NPAS4: variants seen among roughly 807,000 people sequenced by gnomAD.
The protein encoded by NPAS4 is neuronal PAS domain protein 4, also known as neuronal PAS domain-containing protein 4.
A neutral mutation model predicts 64.0 loss-of-function variants in NPAS4; 10 were observed. That is an observed-to-expected ratio of 0.16 (90% CI 0.10 to 0.26). The LOEUF (loss-of-function observed/expected upper bound fraction) is 0.26, where lower values mean the gene tolerates loss of function less well. Ranked by LOEUF, NPAS4 falls within the 10% of genes least tolerant of loss-of-function variation. The probability of loss-of-function intolerance (pLI) is 1.00; values close to 1 mark genes in which losing one functional copy is unlikely to be tolerated. For synonymous variants in NPAS4, 441 were observed against 411.7 expected, an observed-to-expected ratio of 1.07 and a Z score of -0.86; for missense variants, 886 against 992.6, an observed-to-expected ratio of 0.89 and a Z score of 1.44.
chr11:66,425,769 C>T (rs1856830968), intron 7 of NPAS4, among the ~76,000 whole-genome samples, 192 bp from the exon 8 acceptor site: 2 of 152,178 alleles, frequency 1.3e-5, no homozygotes, highest in South Asian at 4.1e-4. Context: ...CAGCCCCATC[C>T]TTCCTAAACT....
chr11:66,413,193 G>A, the NPAS4 span, among the ~76,000 whole-genome samples: 1 of 152,248 alleles, frequency 6.6e-6, no homozygotes, highest in Non-Finnish European at 1.5e-5. Context: ...CAGCGGTAAT[G>A]TCAGGGAAGG....
In NPAS4 at chr11:66,424,435, C is replaced by A. The variant is rs2134646623; in HGVS notation, c.1545C>A (p.Ser515Arg). 6.2e-7 allele frequency: 1 copy of A among 1,614,146 alleles called. No individual in the cohort carries two copies. Among genetic ancestry groups the A allele is most frequent in the South Asian group, 1.1e-5 (1 of 91,088 alleles). ...TSTFPDQLLP[S>R]TATFPEPLGS... ...CCTTCCCAGACCAGCTGCTTCCCAG[C>A]ACAGCCACCTTCCCAGAGCCTCTGG... The change falls in exon 7 of 8, where the codon AGC (serine) becomes AGA (arginine). Residue 515 changes from serine (S) to arginine (R), a missense_variant. Physicochemically the swap from Ser to Arg is moderately radical, Grantham distance 110. Coordinates refer to ENST00000311034, the MANE Select transcript of NPAS4 (RefSeq NM_178864.4).
chr11:66,413,117 C>T, the NPAS4 span, among the ~76,000 whole-genome samples: 2 of 152,214 alleles, frequency 1.3e-5, no homozygotes, highest in African/African-American at 2.4e-5. Flanking sequence ...AGGATTAAAT[C>T]GCTATTTCAC....
chr11:66,422,310 G>C, intron 2 of NPAS4, 39 bp downstream of exon 2: 1 of 1,608,558 alleles, frequency 6.2e-7, no homozygotes, highest in Non-Finnish European at 8.5e-7. Flanking sequence ...GCTGGGCATG[G>C]AGTGGGTGCC....
At chr11:66,419,130 T>C (rs987422717), upstream of NPAS4, among the ~76,000 whole-genome samples, 17 of 152,016 alleles carry the variant, frequency 1.1e-4, no homozygotes, top group Admixed American at 2.0e-4. Flanking sequence ...AGAGGTCAGA[T>C]TGAGAAGAAA....
In NPAS4 at chr11:66,422,853, G is replaced by T. The variant is rs774697951; in HGVS notation, c.610G>T (p.Gly204Cys). 6.8e-6 allele frequency: 11 copies of T among 1,612,702 alleles called. No homozygotes were observed. The highest frequency in any genetic ancestry group is 9.3e-6 in the Non-Finnish European group (11 of 1,179,998). ...GGAGCCGAGACCCCGCCCAGGTCCT[G>T]GCCCTGGCCCTGGCCCTGCCTCGCT... ...PLEPRPRPGPGPGPGPASLFL... is the reference protein window; with the variant it reads ...PLEPRPRPGPCPGPGPASLFL... The change falls in exon 4 of 8, where the codon GGC becomes TGC. Residue 204 changes from glycine (G) to cysteine (C), a missense_variant. By Grantham distance (159) the Gly-to-Cys change is radical. Around this residue, in one of 3 missense-constraint regions of NPAS4, gnomAD observed 820 missense variants for 855.5 expected, o/e 0.96. Coordinates refer to ENST00000311034, the MANE Select transcript of NPAS4 (RefSeq NM_178864.4).
Position 66,426,118 on chromosome 11 carries a change from C to A in NPAS4, c.*129C>A. The A allele has an allele frequency of 2.1e-6, 1 of 470,808 alleles. No homozygotes were observed. The highest frequency in any genetic ancestry group is 4.1e-6 in the Non-Finnish European group (1 of 244,796). The allele number at this position is 470,808 out of a possible 1,614,324, so 29.2% of individuals were successfully genotyped here. A position where few individuals can be genotyped will look rare whatever the true frequency, so the allele number is the denominator to read the frequency against. ...GGGGATATATATGATTCCCCAGGCC[C>A]TGCAGGATTTTGGGGGGGGGGAGGT... On this transcript the variant is annotated 3_prime_UTR_variant, in exon 8 of 8. Coordinates refer to ENST00000311034, the MANE Select transcript of NPAS4 (RefSeq NM_178864.4).
rs753300173 is a variant in NPAS4, at chr11:66,424,929, C to T, written c.2039C>T (p.Pro680Leu). ...CTGTCCCTGTCAGGGGCAGGCCCCC[C>T]TGTGCTCAGCCTGGACCTGAAACCC... ...SNLSLSGAGP[P>L]VLSLDLKPWK... Residue 680 changes from proline to leucine, a missense_variant, in exon 7 of 8, where the codon CCT (proline) becomes CTT (leucine). Transcript: ENST00000311034. 12 of 1,613,978 alleles carry T rather than the reference C, an allele frequency of 7.4e-6. No homozygotes were observed. In the East Asian group the frequency reaches 8.9e-5, roughly 12 times the overall value.
Position 66,424,416 on chromosome 11 carries a change from C to T in NPAS4, c.1526C>T (p.Pro509Leu). The T allele has an allele frequency of 6.2e-7, 1 of 1,614,152 alleles. No individual in the cohort carries two copies. ...TTGACTCCCTGCACCTCCACCTTCCCAGACCAGCTGCTTCCCAGCACAGCC... is the reference window on the plus strand; with the variant it reads ...TTGACTCCCTGCACCTCCACCTTCCTAGACCAGCTGCTTCCCAGCACAGCC... The part of the protein sequence containing the change: ...DQLTPCTSTF[P>L]DQLLPSTATF... Residue 509 changes from proline (P) to leucine (L), a missense_variant, in exon 7 of 8, where the codon CCA becomes CTA. Physicochemically the swap from Pro to Leu is moderately conservative, Grantham distance 98 (BLOSUM62 -3). Coordinates refer to ENST00000311034, the MANE Select transcript of NPAS4 (RefSeq NM_178864.4).
rs1590692707 is a variant in NPAS4 at position 66,421,141 on chromosome 11, T to A, written c.-39T>A. Reference sequence around the variant, plus strand: ...CGGTGCGTCGGGACGGGAGCGCAGGTGCTCGGGCACCCGAGCTGGAGCTCC... The same window carrying A: ...CGGTGCGTCGGGACGGGAGCGCAGGAGCTCGGGCACCCGAGCTGGAGCTCC... On this transcript the variant is annotated 5_prime_UTR_variant, in exon 1 of 8. Coordinates refer to ENST00000311034, the MANE Select transcript of NPAS4 (RefSeq NM_178864.4). The A allele has an allele frequency of 1.3e-6, 2 of 1,550,458 alleles. No individual in the cohort carries two copies. Among genetic ancestry groups the A allele is most frequent in the Non-Finnish European group, 1.7e-6 (2 of 1,144,356 alleles).
chr11:66,417,183 T>C (rs903999373), upstream of NPAS4: 1 of 152,172 alleles, frequency 6.6e-6, no homozygotes, highest in Non-Finnish European at 1.5e-5. Context: ...GGTGGGTTGC[T>C]ATGGCAACAG....
At position 66,422,232 on chromosome 11, in the gene NPAS4, C is replaced by T; in HGVS notation, c.288C>T (p.Tyr96=). The T allele has an allele frequency of 6.2e-7, 1 of 1,614,056 alleles. No homozygotes were observed. The highest frequency in any genetic ancestry group is 8.5e-7 in the Non-Finnish European group (1 of 1,179,998). The part of the protein sequence containing the change: ...LVFTAEGKLL[Y]LSESVSEHLG... Reference sequence around the variant, plus strand: ...TCACAGCCGAGGGGAAATTGCTCTACCTGTCTGAGAGTGTGAGCGAGCATC... The same window carrying T: ...TCACAGCCGAGGGGAAATTGCTCTATCTGTCTGAGAGTGTGAGCGAGCATC... Residue 96 remains tyrosine, a synonymous_variant, in exon 2 of 8, where the codon TAC becomes TAT. Coordinates refer to ENST00000311034, the MANE Select transcript of NPAS4 (RefSeq NM_178864.4).
upstream of NPAS4, among the ~76,000 whole-genome samples, chr11:66,418,667 G>T (rs932379942): frequency 6.6e-6 from 1 of 152,044 alleles, no homozygotes; most frequent in African/African-American, 2.4e-5. Flanking sequence ...AAAGCCAGGG[G>T]CTCTTCCCCT....
rs773159818 is a variant in NPAS4, at chr11:66,423,913, C to G, written c.1023C>G (p.Thr341=). 1 of 1,614,102 alleles carries G rather than the reference C, an allele frequency of 6.2e-7. No homozygotes were observed. The highest frequency in any genetic ancestry group is 1.1e-5 in the South Asian group (1 of 91,072). ...CAGCTTATGTCCTGGGCACTCCGAC[C>G]ATGCTGCCCTCATTCCCTGAAAACA... The part of the protein sequence containing the change: ...TQAAYVLGTP[T]MLPSFPENIL... The change falls in exon 7 of 8, where the codon ACC becomes ACG. Residue 341 remains threonine (T), a synonymous_variant. Transcript: ENST00000311034.
upstream of NPAS4, among the ~76,000 whole-genome samples, chr11:66,417,927 CT>C (rs1028182647): frequency 6.6e-6 from 1 of 152,148 alleles, no homozygotes; most frequent in African/African-American, 2.4e-5. Context: ...ATCCAACCAC[CT>C]CCAGACAGGT....
At chr11:66,420,417 G>A (rs1188759130), upstream of NPAS4, among the ~76,000 whole-genome samples, 1 of 152,216 alleles carries the variant, frequency 6.6e-6, no homozygotes, top group East Asian at 1.9e-4. Context: ...GCCCGATTTG[G>A]GAAGCGGGGG....
At chr11:66,421,663 C>T (rs1041218089) in intron 1 of NPAS4, among the ~76,000 whole-genome samples, 7 of 152,210 alleles carry the variant, frequency 4.6e-5, no homozygotes, top group Non-Finnish European at 1.0e-4. Context: ...GGAGGGAAGC[C>T]CGGGAAGTTG....
chr11:66,424,502 T>C lies in NPAS4; in HGVS notation c.1612T>C (p.Phe538Leu), dbSNP rs768708702. 1.9e-6 allele frequency: 3 copies of C among 1,614,142 alleles called. No homozygotes were observed. The highest frequency in any genetic ancestry group is 2.5e-6 in the Non-Finnish European group (3 of 1,180,024). ...ACAGCTGACTCCTCCCAGCACAGCA[T>C]TCCAAGCACACCTGGACAGCCCCAG... ...HEQLTPPSTA[F>L]QAHLDSPSQT... Residue 538 changes from phenylalanine to leucine, a missense_variant, in exon 7 of 8, where the codon TTC becomes CTC. By Grantham distance (22) the Phe-to-Leu change is conservative (BLOSUM62 0). Coordinates refer to ENST00000311034, the MANE Select transcript of NPAS4 (RefSeq NM_178864.4).
the NPAS4 span, chr11:66,409,477 A>T: frequency 4.3e-4 from 65 of 151,674 alleles, no homozygotes; most frequent in African/African-American, 1.5e-3. Flanking sequence ...GGACTTCACT[A>T]CCCTTGGGGC....
Sources: allele counts gnomAD v4.1 joint callset (sites outside exome capture counted in the v4.1 genomes callset), GRCh38; gene constraint gnomAD v4.1.1; regional missense constraint gnomAD v4.1.1; transcripts MANE v1.5; gene names NCBI Gene and HGNC (gene_info 2026-07-23, HGNC 2026-07-21).